The following ARMC2 variants were observed in gnomAD, a reference collection of about 807,000 sequenced individuals.
ARMC2 encodes armadillo repeat containing 2.
ARMC2 carries 67 observed loss-of-function variants against 90.3 expected under a neutral mutation model. The ratio of observed to expected loss-of-function variants is 0.74; its 90% CI spans 0.61 to 0.91. The LOEUF is 0.91. Among genes scored for constraint, ARMC2 ranks in the 40% least tolerant of loss-of-function variants. The pLI is 0.00. For synonymous variants in ARMC2, 393 were observed against 393.0 expected, an observed-to-expected ratio of 1.00 and a Z score of 0.00; for missense variants, 920 against 1,030.9, an observed-to-expected ratio of 0.89 and a Z score of 1.47.
the ARMC2 span, among the ~76,000 whole-genome samples, chr6:109,023,463 T>C: frequency 1.3e-5 from 2 of 152,258 alleles, no homozygotes; most frequent in African/African-American, 4.8e-5. Context: ...GTTTTTTTGA[T>C]ACTTTTATAA....
At chr6:108,938,901 C>G (rs755477833) in intron 12 of ARMC2, among the ~76,000 whole-genome samples, 1 of 152,086 alleles carries the variant, frequency 6.6e-6, no homozygotes, top group Non-Finnish European at 1.5e-5. Context: ...ATCCTGGTAC[C>G]TCACCAATAT....
the ARMC2 span, chr6:108,986,419 A>C: frequency 2.6e-5 from 4 of 152,676 alleles, no homozygotes; most frequent in African/African-American, 9.6e-5. Flanking sequence ...TGATTTTTTA[A>C]GAGATTGAGA....
Position 108,928,342 on chromosome 6 carries a change from T to C in ARMC2, c.1496+109T>C. ...TGGCAAGGAATCCTTTTCCTTCTTTTTACTTCGCCTACCAGAAAGGGTAAA... is the reference window on the plus strand; with the variant it reads ...TGGCAAGGAATCCTTTTCCTTCTTTCTACTTCGCCTACCAGAAAGGGTAAA... On this transcript the variant is annotated intron_variant, in intron 11 of 17. Transcript: ENST00000392644. The C allele has an allele frequency of 2.6e-6, 3 of 1,163,366 alleles. No homozygotes were observed. In the South Asian group the frequency reaches 7.4e-5, roughly 29 times the overall value. The allele number at this position is 1,163,366 out of a possible 1,614,324, so 72.1% of individuals were successfully genotyped here.
intron 3 of ARMC2, among the ~76,000 whole-genome samples, chr6:108,863,605 A>G (rs1775506133): frequency 6.6e-6 from 1 of 152,194 alleles, no homozygotes; most frequent in Non-Finnish European, 1.5e-5. Context: ...ATAAAGTCAG[A>G]AAAGAGGTGT....
chr6:108,870,049 G>A (rs527804450), intron 4 of ARMC2, among the ~76,000 whole-genome samples: 3 of 152,212 alleles, frequency 2.0e-5, no homozygotes, highest in East Asian at 3.9e-4. Context: ...TTCTGACTGT[G>A]TGTGGTCAAA....
chr6:108,860,267 C>T (rs2128420290), intron 3 of ARMC2, among the ~76,000 whole-genome samples: 1 of 152,058 alleles, frequency 6.6e-6, no homozygotes, highest in Admixed American at 6.5e-5. Context: ...GATTTTTTAA[C>T]TAAGTTTTCT....
In ARMC2 at chr6:108,902,715, T is replaced by C. The variant is rs915270606; in HGVS notation, c.848-1515T>C. Among the ~76,000 whole-genome samples the C allele has an allele frequency of 3.9e-5, 6 of 152,206 alleles. No homozygotes were observed. In the East Asian group the frequency reaches 5.8e-4, roughly 15 times the overall value. On this transcript the variant is annotated intron_variant, in intron 7 of 17. Coordinates refer to ENST00000392644, the MANE Select transcript of ARMC2 (RefSeq NM_032131.6). ...CTTCTGCAGGCACACACTTCCTCTA[T>C]GTGGGCTTCTAAGAGCACATTATGG...
the ARMC2 span, among the ~76,000 whole-genome samples, chr6:109,022,112 CCTTTCTT>C: frequency 6.6e-6 from 1 of 151,738 alleles, no homozygotes; most frequent in East Asian, 1.9e-4. Flanking sequence ...CTTCCTTTCT[CCTTTCTT>C]CTTTTAATTT....
intron 5 of ARMC2, among the ~76,000 whole-genome samples, chr6:108,881,375 G>A (rs1486552296): frequency 8.6e-6 from 1 of 116,708 alleles, no homozygotes; most frequent in Non-Finnish European, 1.7e-5. Flanking sequence ...ATTAGGTTTT[G>A]TTACTTGGAA....
chr6:108,996,554 C>T, the ARMC2 span, among the ~76,000 whole-genome samples: 2 of 151,682 alleles, frequency 1.3e-5, no homozygotes, highest in African/African-American at 4.9e-5. Flanking sequence ...AAAGGTAATT[C>T]TTGATAAATT....
chr6:109,018,838 A>T, the ARMC2 span, among the ~76,000 whole-genome samples: 2 of 152,184 alleles, frequency 1.3e-5, no homozygotes, highest in African/African-American at 4.8e-5. Context: ...ATTACTAGAG[A>T]AGTTTCTCTG....
At chr6:109,008,719 G>GA in the ARMC2 span, 42 of 961,366 alleles carry the variant, frequency 4.4e-5, no homozygotes, top group Non-Finnish European at 4.7e-5. Context: ...CAACCACTTA[G>GA]AAAAAAACAC....
chr6:108,973,238 TGTTAC>T lies in ARMC2; in HGVS notation c.2447-115_2447-111del, dbSNP rs1778879508. ...AGAACTTCTCTGAAATCCTGTCTTG[TGTTAC>T]GTTGGTATTAAAGGACGACCCAGGG... is the stretch of plus-strand genomic sequence containing the variant. On this transcript the variant is annotated intron_variant, in intron 17 of 17. Coordinates refer to ENST00000392644, the MANE Select transcript of ARMC2 (RefSeq NM_032131.6). The T allele has an allele frequency of 1.0e-5, 7 of 677,364 alleles. No homozygotes were observed. In the East Asian group the frequency reaches 1.9e-4, roughly 19 times the overall value. The allele number at this position is 677,364 out of a possible 1,614,324, so 42.0% of individuals were successfully genotyped here.
chr6:108,980,352 T>G, the ARMC2 span, among the ~76,000 whole-genome samples: 1 of 152,090 alleles, frequency 6.6e-6, no homozygotes, highest in African/African-American at 2.4e-5. Flanking sequence ...TGCCTATTCC[T>G]TCCTCTGGAA....
the ARMC2 span, chr6:108,987,244 A>C: frequency 3.8e-6 from 1 of 263,152 alleles, no homozygotes; most frequent in Non-Finnish European, 7.1e-6. Flanking sequence ...CATAAAAGCA[A>C]CAGGATTTGG....
At chr6:108,855,547 G>T (rs1018444034) in intron 2 of ARMC2, among the ~76,000 whole-genome samples, 3 of 152,116 alleles carry the variant, frequency 2.0e-5, no homozygotes, top group Admixed American at 1.3e-4. Flanking sequence ...GACCTCGCCC[G>T]GCCAAGTTTT....
the ARMC2 span, among the ~76,000 whole-genome samples, chr6:109,043,934 A>C: frequency 6.6e-6 from 1 of 152,210 alleles, no homozygotes; most frequent in Non-Finnish European, 1.5e-5. Context: ...ATACAGCATG[A>C]TATTGGTGAA....
At chr6:108,981,722 C>T in the ARMC2 span, among the ~76,000 whole-genome samples, 2 of 151,742 alleles carry the variant, frequency 1.3e-5, no homozygotes, top group Non-Finnish European at 2.9e-5. Flanking sequence ...AGCTGGAGTG[C>T]AATGGCATGA....
chr6:108,907,965 A>C, intron 8 of ARMC2: 1 of 1,108,776 alleles, frequency 9.0e-7, no homozygotes, highest in Non-Finnish European at 1.3e-6. Flanking sequence ...ATACCTAATC[A>C]TTAAACATTT....
Sources: gnomAD v4.1 joint callset for allele counts (sites outside exome capture counted in the v4.1 genomes callset) on GRCh38, gnomAD v4.1.1 for gene constraint, MANE v1.5 for transcripts, NCBI Gene and HGNC (gene_info 2026-07-23, HGNC 2026-07-21) for gene names.